The following PTPRD variants were observed in gnomAD, a reference collection of about 807,000 sequenced individuals.
The protein encoded by PTPRD is receptor-type tyrosine-protein phosphatase delta.
A neutral mutation model predicts 214.5 loss-of-function variants in PTPRD; 34 were observed. That is an observed-to-expected ratio of 0.16 (90% CI 0.12 to 0.21). The LOEUF is 0.21. Among genes scored for constraint, PTPRD ranks in the 10% least tolerant of loss-of-function variants. PTPRD has a pLI of 1.00. For missense variants in PTPRD, 2,545 were observed against 2,398.7 expected (o/e 1.06, Z -1.27); for synonymous variants, 1,128 against 845.7 (o/e 1.33, Z -5.79).
intron 7 of PTPRD, among the ~76,000 whole-genome samples, chr9:9,672,598 C>T (rs1044535846): frequency 3.9e-5 from 6 of 152,080 alleles, no homozygotes; most frequent in Admixed American, 3.9e-4. Flanking sequence ...AACATTTGTA[C>T]TTAGCTACTT....
intron 3 of PTPRD, among the ~76,000 whole-genome samples, chr9:10,077,934 T>C (rs2098161480): frequency 6.6e-6 from 1 of 152,086 alleles, no homozygotes; most frequent in African/African-American, 2.4e-5. Context: ...TTAGTATTAC[T>C]ATACTCTAAG....
chr9:8,656,325 AAC>A (rs1401786762), intron 12 of PTPRD, among the ~76,000 whole-genome samples: 1 of 152,182 alleles, frequency 6.6e-6, no homozygotes, highest in Non-Finnish European at 1.5e-5. Context: ...TTTTCACTAA[AAC>A]ACCTGCTTCT....
rs114324443 is a variant in PTPRD at position 10,338,309 on chromosome 9, A to T, written c.-545+2654T>A. On this transcript the variant is annotated intron_variant, in intron 3 of 45. Transcript: ENST00000381196. The stretch of plus-strand genomic sequence containing the variant: ...TAATGAGTAACATTCTAGCAAGCAG[A>T]GGACTGATTCCTGAGACAGTTGCCT... Among the ~76,000 whole-genome samples, 635 of 151,694 alleles carry T rather than the reference A, an allele frequency of 4.2e-3. 3 individuals carry two copies. The highest frequency in any genetic ancestry group is 0.015 in the African/African-American group (624 of 41,460).
chr9:8,697,422 T>A (rs964244475), intron 12 of PTPRD, among the ~76,000 whole-genome samples: 17 of 139,656 alleles, frequency 1.2e-4, no homozygotes, highest in Non-Finnish European at 1.7e-4. Flanking sequence ...ATGTACTTTT[T>A]TTTTTTTTTT....
At chr9:8,929,928 T>TGTGC in intron 11 of PTPRD, among the ~76,000 whole-genome samples, 2 of 144,402 alleles carry the variant, frequency 1.4e-5, no homozygotes. Flanking sequence ...TATATATATA[T>TGTGC]GTGTATATAT....
At chr9:8,886,424 A>T (rs1214399828) in intron 11 of PTPRD, among the ~76,000 whole-genome samples, 1 of 152,180 alleles carries the variant, frequency 6.6e-6, no homozygotes, top group African/African-American at 2.4e-5. Context: ...ATTATGTTCC[A>T]GGACATAGAT....
At chr9:8,326,401 T>G (rs964476155) in intron 44 of PTPRD, among the ~76,000 whole-genome samples, 1 of 152,160 alleles carries the variant, frequency 6.6e-6, no homozygotes, top group African/African-American at 2.4e-5. Context: ...GAACAAGCCT[T>G]GCATCCCAGG....
intron 11 of PTPRD, among the ~76,000 whole-genome samples, chr9:8,774,010 G>A (rs922639425): frequency 2.6e-5 from 4 of 151,928 alleles, no homozygotes; most frequent in African/African-American, 7.3e-5. Flanking sequence ...CCTCCTCAAC[G>A]CGCAAAGGAG....
At chr9:10,531,089 G>C (rs2056130168) in intron 2 of PTPRD, among the ~76,000 whole-genome samples, 2 of 151,824 alleles carry the variant, frequency 1.3e-5, no homozygotes, top group Admixed American at 6.6e-5. Flanking sequence ...GGCTGGGATT[G>C]CAGGTGCAAG....
intron 3 of PTPRD, among the ~76,000 whole-genome samples, chr9:10,220,844 T>C (rs2099568629): frequency 6.6e-6 from 1 of 151,802 alleles, no homozygotes; most frequent in South Asian, 2.1e-4. Context: ...ATTAAATTTA[T>C]GCAATTTTGA....
At chr9:8,453,183 G>T (rs1003592991) in intron 33 of PTPRD, among the ~76,000 whole-genome samples, 11 of 152,182 alleles carry the variant, frequency 7.2e-5, no homozygotes, top group Middle Eastern at 3.4e-3. Context: ...ATGATGAAAG[G>T]TACGGAGTCC....
intron 10 of PTPRD, among the ~76,000 whole-genome samples, chr9:9,085,647 T>C (rs961373678): frequency 4.0e-5 from 6 of 151,836 alleles, no homozygotes; most frequent in African/African-American, 1.5e-4. Flanking sequence ...TCAGGGTTAA[T>C]GCTCTTTTTT....
intron 5 of PTPRD, among the ~76,000 whole-genome samples, chr9:9,866,018 T>C (rs1212610989): frequency 1.3e-5 from 2 of 152,202 alleles, no homozygotes; most frequent in Admixed American, 6.5e-5. Flanking sequence ...TCCCTTCTCA[T>C]GCCATTCTCG....
At chr9:9,810,662 T>C (rs2046864968) in intron 5 of PTPRD, among the ~76,000 whole-genome samples, 1 of 151,616 alleles carries the variant, frequency 6.6e-6, no homozygotes, top group Admixed American at 6.6e-5. Flanking sequence ...ACAATGCACA[T>C]AGTAACCTAA....
At chr9:10,153,864 A>AT (rs1017021789) in intron 3 of PTPRD, among the ~76,000 whole-genome samples, 3 of 151,640 alleles carry the variant, frequency 2.0e-5, no homozygotes, top group East Asian at 1.9e-4. Context: ...ATTGTACCAC[A>AT]TTTTTTTTAG....
At chr9:9,913,449 G>A (rs373973729) in intron 5 of PTPRD, among the ~76,000 whole-genome samples, 24 of 152,248 alleles carry the variant, frequency 1.6e-4, no homozygotes, top group African/African-American at 5.3e-4. Context: ...GACTACAGAT[G>A]CCTAGCATTC....
intron 33 of PTPRD, 130 bp downstream of exon 33, chr9:8,460,281 C>A: frequency 8.9e-7 from 1 of 1,122,988 alleles, no homozygotes; most frequent in Non-Finnish European, 1.3e-6. Flanking sequence ...AAACACTTTT[C>A]CAAAAATAAT....
intron 9 of PTPRD, among the ~76,000 whole-genome samples, chr9:9,285,643 T>C (rs1949110851): frequency 6.6e-6 from 1 of 151,792 alleles, no homozygotes; most frequent in African/African-American, 2.4e-5. Context: ...ATTCTTTCTA[T>C]TCTTGTTTCC....
At chr9:8,587,030 G>C (rs2093713112) in intron 14 of PTPRD, among the ~76,000 whole-genome samples, 1 of 151,946 alleles carries the variant, frequency 6.6e-6, no homozygotes, top group South Asian at 2.1e-4. Flanking sequence ...GGTGCCTGTA[G>C]TCCCAGCTAC....
Sources: allele counts gnomAD v4.1 joint callset (sites outside exome capture counted in the v4.1 genomes callset), GRCh38; gene constraint gnomAD v4.1.1; transcripts MANE v1.5; gene names NCBI Gene and HGNC (gene_info 2026-07-23, HGNC 2026-07-21).